Variants in NDUFA10 observed in about 807,000 individuals in gnomAD.
NDUFA10 encodes the protein NADH:ubiquinone oxidoreductase subunit A10.
Under a neutral mutation model 47.8 loss-of-function variants are expected in NDUFA10, and 40 were observed. The observed-to-expected ratio is 0.84, with a 90% CI of 0.65 to 1.09. The LOEUF (loss-of-function observed/expected upper bound fraction) is 1.09, where lower values mean the gene tolerates loss of function less well. NDUFA10 is among the 50% of genes least tolerant of loss of function. The pLI, the probability that NDUFA10 is intolerant of heterozygous loss-of-function variation, is 0.00. For missense variants in NDUFA10, 413 were observed against 451.1 expected (o/e 0.92, Z 0.76); for synonymous variants, 183 against 172.2 (o/e 1.06, Z -0.49).
intron 6 of NDUFA10, 67 bp downstream of exon 6, chr2:240,011,550 G>T (rs927036886): frequency 4.7e-6 from 6 of 1,270,448 alleles, no homozygotes; most frequent in Non-Finnish European, 6.9e-6. Flanking sequence ...TCCCTGGGCT[G>T]TTGGGGCCTA....
chr2:239,918,492 A>C (rs1574778188), intron 4 of NDUFA10, among the ~76,000 whole-genome samples: 1 of 152,170 alleles, frequency 6.6e-6, no homozygotes, highest in East Asian at 1.9e-4. Context: ...CTGTCTCCCA[A>C]GGACAGACCC....
At chr2:239,976,123 T>C (rs1695506044) in intron 9 of NDUFA10, among the ~76,000 whole-genome samples, 1 of 152,202 alleles carries the variant, frequency 6.6e-6, no homozygotes, top group Non-Finnish European at 1.5e-5. Context: ...TTCTTAATCA[T>C]CCCATCAACG....
chr2:239,982,172 A>T, intron 9 of NDUFA10: 1 of 1,612,796 alleles, frequency 6.2e-7, no homozygotes, highest in Non-Finnish European at 8.5e-7. Flanking sequence ...GCACTTCAGG[A>T]CCCTCTCTTG....
In NDUFA10 at chr2:239,967,950, C is replaced by T. The variant is rs80133007; in HGVS notation, c.1000-6764G>A. Among the ~76,000 whole-genome samples, 272 of 146,110 alleles carry T rather than the reference C, an allele frequency of 1.9e-3. 2 individuals are homozygous for T. The highest frequency in any genetic ancestry group is 0.011 in the Middle Eastern group (3 of 278). On this transcript the variant is annotated intron_variant, in intron 9 of 9. Coordinates refer to ENST00000252711, the MANE Select transcript of NDUFA10 (RefSeq NM_004544.4). Reference sequence around the variant, plus strand: ...TATAGTGCTTCAAATGCCAGCTGTTCGCACAGAAATCAGTCAAGGAAAAAA... The same window carrying T: ...TATAGTGCTTCAAATGCCAGCTGTTTGCACAGAAATCAGTCAAGGAAAAAA...
chr2:239,983,853 G>A, intron 9 of NDUFA10: 1 of 1,398,824 alleles, frequency 7.1e-7, no homozygotes, highest in Non-Finnish European at 9.5e-7. Context: ...CCAATGTCAT[G>A]TGATATTCTA....
At chr2:239,904,503 C>T (rs1693611785) in intron 4 of NDUFA10, among the ~76,000 whole-genome samples, 1 of 152,196 alleles carries the variant, frequency 6.6e-6, no homozygotes, top group South Asian at 2.1e-4. Context: ...CCATGTTGGC[C>T]AGGCTGGTCT....
chr2:239,915,773 C>G, intron 4 of NDUFA10, among the ~76,000 whole-genome samples: 1 of 150,820 alleles, frequency 6.6e-6, no homozygotes, highest in Non-Finnish European at 1.5e-5. Context: ...CAAATATATA[C>G]TCAGACACAT....
intron 4 of NDUFA10, among the ~76,000 whole-genome samples, chr2:239,940,195 C>A (rs1398771710): frequency 6.6e-6 from 1 of 152,238 alleles, no homozygotes; most frequent in Non-Finnish European, 1.5e-5. Context: ...CAAAACCAGC[C>A]ACAGATGACA....
intron 4 of NDUFA10, among the ~76,000 whole-genome samples, chr2:239,936,625 C>T (rs183920082): frequency 1.3e-5 from 2 of 152,326 alleles, no homozygotes; most frequent in East Asian, 3.9e-4. Flanking sequence ...GCCTTACGCT[C>T]AGATTTGCTG....
chr2:240,020,065 A>G (rs1697555614), intron 3 of NDUFA10, among the ~76,000 whole-genome samples: 1 of 152,232 alleles, frequency 6.6e-6, no homozygotes, highest in Non-Finnish European at 1.5e-5. Context: ...TAACTCCACC[A>G]CCGTACAACT....
chr2:239,918,458 C>A (rs1693914662), intron 4 of NDUFA10, among the ~76,000 whole-genome samples: 1 of 152,232 alleles, frequency 6.6e-6, no homozygotes, highest in South Asian at 2.1e-4. Context: ...TCTTGAGCCC[C>A]TCCACCCCTG....
In NDUFA10 at chr2:240,022,296, C is replaced by A; in HGVS notation, c.120G>T (p.Met40Ile). Residue 40 changes from methionine to isoleucine, a missense_variant, in exon 2 of 10, where the codon ATG (methionine) becomes ATT (isoleucine). By Grantham distance (10) the Met-to-Ile change is conservative (BLOSUM62 1). Coordinates refer to ENST00000252711, the MANE Select transcript of NDUFA10 (RefSeq NM_004544.4). ...SSVQCKLRYG[M>I]WHFLLGDKAS... is the part of the protein sequence containing the mutation. The stretch of plus-strand genomic sequence containing the variant: ...CTTTATCCCCAAGTAGGAAATGCCA[C>A]ATTCCATAGCGCAGTTTGCACTGCA... The A allele has an allele frequency of 1.2e-6, 2 of 1,614,100 alleles. No individual in the cohort carries two copies. The highest frequency in any genetic ancestry group is 1.7e-6 in the Non-Finnish European group (2 of 1,180,026).
At chr2:239,989,484 A>G (rs1696156596) in intron 9 of NDUFA10, among the ~76,000 whole-genome samples, 1 of 152,278 alleles carries the variant, frequency 6.6e-6, no homozygotes, top group South Asian at 2.1e-4. Flanking sequence ...GTCCACTGAC[A>G]TTGGGATTTG....
chr2:240,022,971 C>G (rs1381353125), intron 1 of NDUFA10, among the ~76,000 whole-genome samples: 2 of 152,162 alleles, frequency 1.3e-5, no homozygotes, highest in Admixed American at 1.3e-4. Context: ...CTCCTTCCTT[C>G]AACTGCAGAA....
chr2:239,908,982 G>T (rs1319965503), intron 4 of NDUFA10, among the ~76,000 whole-genome samples: 1 of 152,274 alleles, frequency 6.6e-6, no homozygotes, highest in African/African-American at 2.4e-5. Flanking sequence ...CGAAGGTGTG[G>T]TCTGAGCCGG....
At position 239,958,750 on chromosome 2, in the gene NDUFA10, G is replaced by A. The variant is rs1008530479; in HGVS notation, c.*2368C>T. 2.5e-4 allele frequency: 52 copies of A among 204,046 alleles called. No individual in the cohort carries two copies. Among genetic ancestry groups the A allele is most frequent in the African/African-American group, 1.1e-3 (48 of 42,360 alleles). The allele number at this position is 204,046 out of a possible 1,614,324, so 12.6% of individuals were successfully genotyped here. On this transcript the variant is annotated 3_prime_UTR_variant, in exon 10 of 10. Coordinates refer to ENST00000252711, the MANE Select transcript of NDUFA10 (RefSeq NM_004544.4). ...AACAGTTGATGGAACAGAAAGATAC[G>A]TTAGAAAAAAACAAGGACTTTCTTT... is the stretch of plus-strand genomic sequence containing the variant.
At chr2:239,935,785 G>T (rs535747348) in intron 4 of NDUFA10, among the ~76,000 whole-genome samples, 4 of 152,270 alleles carry the variant, frequency 2.6e-5, no homozygotes, top group African/African-American at 9.6e-5. Context: ...ATTCTCTTTT[G>T]CCTGCCGCCA....
At chr2:239,938,591 C>T (rs1481136718) in intron 4 of NDUFA10, among the ~76,000 whole-genome samples, 1 of 152,208 alleles carries the variant, frequency 6.6e-6, no homozygotes. Flanking sequence ...GGGGTCTGCT[C>T]CCGGGCAGCT....
chr2:240,017,784 G>A, intron 4 of NDUFA10: 1 of 1,531,634 alleles, frequency 6.5e-7, no homozygotes, highest in Non-Finnish European at 8.9e-7. Context: ...CAAGCAGCCA[G>A]AAGCAGGCGC....
Sources: allele counts gnomAD v4.1 joint callset (sites outside exome capture counted in the v4.1 genomes callset), GRCh38; gene constraint gnomAD v4.1.1; transcripts MANE v1.5; gene names NCBI Gene and HGNC (gene_info 2026-07-23, HGNC 2026-07-21).